The following DRC7 variants were observed in gnomAD, a reference collection of about 807,000 sequenced individuals.
DRC7 encodes the protein dynein regulatory complex subunit 7.
Under a neutral mutation model 104.4 loss-of-function variants are expected in DRC7, and 80 were observed. The observed-to-expected ratio is 0.77, with a 90% confidence interval of 0.64 to 0.92. The LOEUF is 0.92. Ranked by LOEUF, DRC7 falls within the 40% of genes least tolerant of loss-of-function variation. The pLI is 0.00. For missense variants in DRC7, 1,034 were observed against 1,141.1 expected (o/e 0.91, Z 1.35); for synonymous variants, 405 against 447.3 (o/e 0.91, Z 1.19).
chr16:57,726,670 T>C, intron 14 of DRC7, 162 bp from the exon 15 acceptor site: 1 of 569,018 alleles, frequency 1.8e-6, no homozygotes, highest in East Asian at 2.9e-5. Context: ...TCTTTTATTA[T>C]TATCTGTATT....
At chr16:57,730,117 G>A (rs1452254186) in intron 17 of DRC7, among the ~76,000 whole-genome samples, 11 of 130,752 alleles carry the variant, frequency 8.4e-5, no homozygotes, top group African/African-American at 3.5e-4. Context: ...GAGCGGGTGG[G>A]TGGATGGATG....
At chr16:57,718,517 G>A in intron 9 of DRC7, 42 bp downstream of exon 9, 1 of 1,608,004 alleles carries the variant, frequency 6.2e-7, no homozygotes, top group Non-Finnish European at 8.5e-7. Flanking sequence ...TGTGTGTGAA[G>A]GCTTCAGGGA....
intron 10 of DRC7, 73 bp downstream of exon 10, chr16:57,721,812 C>T (rs1402447068): frequency 3.6e-5 from 41 of 1,142,904 alleles, no homozygotes; most frequent in South Asian, 6.7e-5. Context: ...TCTGCAACAG[C>T]GAGGCAGGGG....
chr16:57,721,767 C>T (rs750287343), intron 10 of DRC7, 28 bp downstream of exon 10: 6 of 1,576,392 alleles, frequency 3.8e-6, no homozygotes, highest in East Asian at 2.2e-5. Flanking sequence ...ATTCACTTAT[C>T]CTCTCCAGAT....
intron 9 of DRC7, among the ~76,000 whole-genome samples, chr16:57,718,948 C>G (rs1161890145): frequency 6.6e-6 from 1 of 151,864 alleles, no homozygotes; most frequent in African/African-American, 2.4e-5. Context: ...ATGTTCATGC[C>G]ACTGCATTCC....
At chr16:57,708,610 T>A (rs749982221) in intron 8 of DRC7, among the ~76,000 whole-genome samples, 4 of 152,180 alleles carry the variant, frequency 2.6e-5, no homozygotes, top group Non-Finnish European at 5.9e-5. Flanking sequence ...TTCTGTTGGG[T>A]AACTACTGAG....
rs749992822 is a variant in DRC7 at position 57,698,912 on chromosome 16, C to T, written c.266C>T (p.Pro89Leu). 1 of 1,614,080 alleles carries T rather than the reference C, an allele frequency of 6.2e-7. No individual in the cohort carries two copies. Among genetic ancestry groups the T allele is most frequent in the Non-Finnish European group, 8.5e-7 (1 of 1,180,002 alleles). ...CCCATTTCCTACAAAACCAACACAC[C>T]CAAGGAGGAACACCTGCTGCAGGTG... The part of the protein sequence containing the change: ...KLPISYKTNT[P>L]KEEHLLQVAD... The change falls in exon 4 of 19, where the codon CCC becomes CTC. Residue 89 changes from proline (P) to leucine (L), a missense_variant. Coordinates refer to ENST00000360716, the MANE Select transcript of DRC7 (RefSeq NM_001289162.2).
chr16:57,723,256 C>G, intron 12 of DRC7, 126 bp downstream of exon 12: 9 of 1,134,916 alleles, frequency 7.9e-6, no homozygotes, highest in Non-Finnish European at 1.1e-5. Flanking sequence ...GGGCAGCAAG[C>G]AGTAGAAGCT....
intron 8 of DRC7, chr16:57,714,922 G>T (rs1459885589): frequency 2.0e-5 from 6 of 298,052 alleles, no homozygotes; most frequent in Non-Finnish European, 3.3e-5. Context: ...GCATCCCTTT[G>T]GGAAGACTTG....
chr16:57,720,374 A>T (rs975478707), intron 9 of DRC7, among the ~76,000 whole-genome samples: 2 of 152,102 alleles, frequency 1.3e-5, no homozygotes, highest in Non-Finnish European at 2.9e-5. Context: ...AGGGTGCTAA[A>T]TGTTCTCAGC....
At chr16:57,703,967 C>CAAAA (rs35232247) in intron 6 of DRC7, among the ~76,000 whole-genome samples, 3 of 64,372 alleles carry the variant, frequency 4.7e-5, no homozygotes, top group Non-Finnish European at 5.6e-5. Context: ...ACTCTGGCTC[C>CAAAA]AAAAAAAAAA....
At chr16:57,706,365 A>G (rs2048727256) in intron 7 of DRC7, among the ~76,000 whole-genome samples, 3 of 131,996 alleles carry the variant, frequency 2.3e-5, no homozygotes, top group African/African-American at 8.8e-5. Context: ...CCATCTGTCC[A>G]TCCTCCCATC....
At chr16:57,709,719 A>G (rs894160951) in intron 8 of DRC7, among the ~76,000 whole-genome samples, 4 of 152,146 alleles carry the variant, frequency 2.6e-5, no homozygotes, top group South Asian at 2.1e-4. Context: ...TATTTACAAG[A>G]TTGTGCAACT....
At chr16:57,713,464 C>T (rs537968169) in intron 8 of DRC7, among the ~76,000 whole-genome samples, 1 of 148,198 alleles carries the variant, frequency 6.7e-6, no homozygotes, top group Non-Finnish European at 1.5e-5. Flanking sequence ...GATGAATTAA[C>T]CTCTCTATCG....
In DRC7 at chr16:57,697,942, G is replaced by A. The variant is rs3760065; in HGVS notation, c.-8G>A. 3.9e-3 allele frequency: 6,250 copies of A among 1,610,780 alleles called. 183 individuals are homozygous for A. In the South Asian group the frequency reaches 0.043, roughly 11 times the overall value. ...ATTCCATCTCCAGACACCCAGAGAC[G>A]CTCCAGAATGGAGGTCCTGAGGGAG... is the stretch of plus-strand genomic sequence containing the variant. On this transcript the variant is annotated 5_prime_UTR_variant, in exon 3 of 19. Transcript: ENST00000360716.
chr16:57,722,616 A>C, intron 10 of DRC7, 97 bp from the exon 11 acceptor site: 1 of 1,525,004 alleles, frequency 6.6e-7, no homozygotes. Context: ...AGTTCAGTAC[A>C]CAGAGAACGG....
intron 8 of DRC7, among the ~76,000 whole-genome samples, chr16:57,717,389 C>T (rs2048855058): frequency 7.1e-6 from 1 of 140,280 alleles, no homozygotes. Flanking sequence ...TGCATAACAC[C>T]ATGCACTGGC....
intron 9 of DRC7, 126 bp from the exon 10 acceptor site, chr16:57,721,541 G>T: frequency 2.9e-6 from 2 of 691,950 alleles, no homozygotes; most frequent in South Asian, 3.5e-5. Context: ...ATGACCTCCA[G>T]TTCCCCTGCG....
chr16:57,702,814 A>G (rs1410511715), intron 6 of DRC7, among the ~76,000 whole-genome samples: 4 of 152,138 alleles, frequency 2.6e-5, no homozygotes, highest in Non-Finnish European at 4.4e-5. Flanking sequence ...AAAATAAATA[A>G]AAGAAATAAA....
Sources: gnomAD v4.1 joint callset for allele counts (sites outside exome capture counted in the v4.1 genomes callset) on GRCh38, gnomAD v4.1.1 for gene constraint, MANE v1.5 for transcripts, NCBI Gene and HGNC (gene_info 2026-07-23, HGNC 2026-07-21) for gene names.